The following ZNF236 variants were observed in gnomAD, a reference collection of about 807,000 sequenced individuals.
ZNF236 encodes regulated by glucose.
A neutral mutation model predicts 191.2 loss-of-function variants in ZNF236; 50 were observed. The observed-to-expected ratio is 0.26, with a 90% CI of 0.21 to 0.33. The LOEUF (loss-of-function observed/expected upper bound fraction) is 0.33, where lower values mean the gene tolerates loss of function less well. Among genes scored for constraint, ZNF236 ranks in the 10% least tolerant of loss-of-function variants. The probability of loss-of-function intolerance (pLI) is 1.00; values close to 1 mark genes in which losing one functional copy is unlikely to be tolerated. For synonymous variants in ZNF236, 907 were observed against 928.8 expected, an observed-to-expected ratio of 0.98 and a Z score of 0.43; for missense variants, 1,754 against 2,374.5, an observed-to-expected ratio of 0.74 and a Z score of 5.43.
intron 20 of ZNF236, among the ~76,000 whole-genome samples, chr18:76,920,452 G>A (rs1967502652): frequency 6.6e-6 from 1 of 151,492 alleles, no homozygotes; most frequent in Non-Finnish European, 1.5e-5. Context: ...TCGGGAGCCT[G>A]AGACAGGAGA....
At chr18:76,881,113 C>T (rs376119370) in intron 8 of ZNF236, among the ~76,000 whole-genome samples, 171 bp from the exon 9 acceptor site, 9 of 152,212 alleles carry the variant, frequency 5.9e-5, no homozygotes, top group African/African-American at 1.7e-4. Flanking sequence ...TCAGAAAGGA[C>T]GTTACAGCCT....
At chr18:76,905,703 G>C (rs1977723135) in intron 13 of ZNF236, among the ~76,000 whole-genome samples, 3 of 152,148 alleles carry the variant, frequency 2.0e-5, no homozygotes, top group African/African-American at 7.2e-5. Context: ...TTGGTAATTA[G>C]TTGAAATGCT....
chr18:76,904,371 G>A lies in ZNF236; in HGVS notation c.1895-9G>A, dbSNP rs1185338402. 32 of 1,589,192 alleles carry A rather than the reference G, an allele frequency of 2.0e-5. No individual in the cohort carries two copies. Among genetic ancestry groups the A allele is most frequent in the Non-Finnish European group, 2.7e-5 (32 of 1,169,734 alleles). ...AGTGAATTACATCTGCTTTTCTTTT[G>A]CTTTGTAGGTCTCATCCAGCCCATT... On this transcript the variant is annotated splice_polypyrimidine_tract_variant and intron_variant, in intron 11 of 30. Transcript: ENST00000320610.
chr18:76,915,045 T>A (rs1274098219), intron 18 of ZNF236, among the ~76,000 whole-genome samples: 3 of 152,172 alleles, frequency 2.0e-5, no homozygotes, highest in Middle Eastern at 3.2e-3. Flanking sequence ...AAGGACATGC[T>A]ACGGAGGCAG....
chr18:76,879,618 G>C (rs1976819382), intron 7 of ZNF236, among the ~76,000 whole-genome samples: 2 of 152,148 alleles, frequency 1.3e-5, no homozygotes, highest in Non-Finnish European at 2.9e-5. Context: ...TGCAGGGGTG[G>C]GACTGGCTCT....
At chr18:76,932,053 C>A (rs948841366) in intron 25 of ZNF236, among the ~76,000 whole-genome samples, 9 of 152,232 alleles carry the variant, frequency 5.9e-5, no homozygotes, top group Non-Finnish European at 1.3e-4. Flanking sequence ...GACTGTGACT[C>A]TGGGCAGGTC....
At chr18:76,829,230 G>A (rs1048286007) in intron 1 of ZNF236, among the ~76,000 whole-genome samples, 10 of 152,182 alleles carry the variant, frequency 6.6e-5, no homozygotes, top group African/African-American at 2.2e-4. Context: ...TTCAAGCTAT[G>A]TTTTGTCATA....
chr18:76,838,195 C>T (rs1239012022), intron 1 of ZNF236, among the ~76,000 whole-genome samples: 2 of 152,158 alleles, frequency 1.3e-5, no homozygotes, highest in Non-Finnish European at 2.9e-5. Context: ...GCACAGAAGT[C>T]AGAAAGAGAC....
intron 26 of ZNF236, among the ~76,000 whole-genome samples, chr18:76,940,577 G>A (rs778406323): frequency 1.3e-5 from 2 of 152,172 alleles, no homozygotes; most frequent in Non-Finnish European, 2.9e-5. Flanking sequence ...TTTGGAGTGT[G>A]GGATTGAGTT....
intron 2 of ZNF236, among the ~76,000 whole-genome samples, chr18:76,850,800 G>A (rs913528716): frequency 6.6e-6 from 1 of 151,636 alleles, no homozygotes; most frequent in Non-Finnish European, 1.5e-5. Context: ...ATGGGCTTTC[G>A]CCATGTTGGC....
chr18:76,874,824 A>G (rs1976670479), intron 5 of ZNF236, among the ~76,000 whole-genome samples: 1 of 152,226 alleles, frequency 6.6e-6, no homozygotes, highest in African/African-American at 2.4e-5. Flanking sequence ...AGAAGTGGGT[A>G]GAGGGAGCAA....
At chr18:76,887,656 A>G (rs117255597) in intron 9 of ZNF236, 2,549 of 152,356 alleles carry the variant, frequency 0.017, 28 homozygotes, top group Middle Eastern at 0.02. Context: ...AGGCCTCACA[A>G]TGATGGCAGA....
At position 76,872,637 on chromosome 18, in the gene ZNF236, A is replaced by G. The variant is rs944294402; in HGVS notation, c.667+812A>G. Among the ~76,000 whole-genome samples, 3 of 152,230 alleles carry G rather than the reference A, an allele frequency of 2.0e-5. No individual in the cohort carries two copies. The East Asian group carries it at 5.8e-4, about 29-fold the overall frequency. On this transcript the variant is annotated intron_variant, in intron 5 of 30. Transcript: ENST00000320610. ...TTTGCTTGAATATTTGAAAGTGAGTACAGCATTCATAGCTGAATACTCTTT... is the reference window on the plus strand; with the variant it reads ...TTTGCTTGAATATTTGAAAGTGAGTGCAGCATTCATAGCTGAATACTCTTT...
chr18:76,871,565 C>T, intron 4 of ZNF236, 136 bp from the exon 5 acceptor site: 2 of 871,070 alleles, frequency 2.3e-6, no homozygotes, highest in Non-Finnish European at 3.7e-6. Flanking sequence ...CAGACACATA[C>T]ATATATGTGA....
intron 3 of ZNF236, among the ~76,000 whole-genome samples, chr18:76,865,122 A>AG (rs1256949788): frequency 6.6e-6 from 1 of 152,182 alleles, no homozygotes; most frequent in African/African-American, 2.4e-5. Context: ...AGATCACCTG[A>AG]GGTCAGGAGT....
intron 5 of ZNF236, among the ~76,000 whole-genome samples, chr18:76,872,846 A>C (rs1195864510): frequency 6.6e-6 from 1 of 152,196 alleles, no homozygotes; most frequent in Admixed American, 6.5e-5. Context: ...ATAGTGATAA[A>C]GTAAGAAATC....
At chr18:76,947,438 T>G in intron 26 of ZNF236, 83 bp from the exon 27 acceptor site, 1 of 1,511,158 alleles carries the variant, frequency 6.6e-7, no homozygotes, top group Non-Finnish European at 8.9e-7. Flanking sequence ...TTTTCCAAGG[T>G]AGCTGCACCA....
intron 13 of ZNF236, among the ~76,000 whole-genome samples, chr18:76,906,786 G>T (rs957652625): frequency 6.6e-6 from 1 of 152,196 alleles, no homozygotes; most frequent in African/African-American, 2.4e-5. Flanking sequence ...AAGCAGATCA[G>T]CCTGTTGTTG....
intron 1 of ZNF236, among the ~76,000 whole-genome samples, chr18:76,826,648 A>G (rs150115127): frequency 0.011 from 1,668 of 150,896 alleles, 23 homozygotes; most frequent in African/African-American, 0.038. Context: ...AAAATACCAA[A>G]GTTAGCCAGG....
Sources: gnomAD v4.1 joint callset for allele counts (sites outside exome capture counted in the v4.1 genomes callset) on GRCh38, gnomAD v4.1.1 for gene constraint, MANE v1.5 for transcripts, NCBI Gene and HGNC (gene_info 2026-07-23, HGNC 2026-07-21) for gene names.